The following ETV7 variants were observed in gnomAD, a reference collection of about 807,000 sequenced individuals.
ETV7 encodes the protein transcription factor ETV7.
ETV7 carries 43 observed loss-of-function variants against 39.1 expected under a neutral mutation model. That is an observed-to-expected ratio of 1.10 (90% CI 0.86 to 1.42). The LOEUF (loss-of-function observed/expected upper bound fraction) is 1.42. Among genes scored for constraint, ETV7 ranks in the 40% most tolerant of loss-of-function variants. The pLI, the probability that ETV7 is intolerant of heterozygous loss-of-function variation, is 0.00. For missense variants in ETV7, 432 were observed against 442.3 expected (o/e 0.98, Z 0.21); for synonymous variants, 196 against 176.6 (o/e 1.11, Z -0.87).
intron 1 of ETV7, among the ~76,000 whole-genome samples, chr6:36,387,085 G>C (rs1386763258): frequency 6.6e-6 from 1 of 152,204 alleles, no homozygotes; most frequent in Non-Finnish European, 1.5e-5. Context: ...GAAAGGCCTT[G>C]GAGTGGGACG....
downstream of ETV7, among the ~76,000 whole-genome samples, chr6:36,363,482 C>T (rs1259206472): frequency 5.9e-5 from 9 of 151,750 alleles, no homozygotes; most frequent in Admixed American, 3.9e-4. Context: ...TCATTCCTCC[C>T]GGTGGGGTCG....
rs75467750 is a variant in ETV7, at chr6:36,371,939, A to G, written c.434-379T>C. Among the ~76,000 whole-genome samples, 1,142 of 152,360 alleles carry G rather than the reference A, an allele frequency of 7.5e-3. 9 individuals carry two copies. Among genetic ancestry groups the G allele is most frequent in the Non-Finnish European group, 0.013 (860 of 68,038 alleles). ...AGGCATTGTTCTAAGAATCTTGAGC[A>G]TATATCGCTGAGCTCCCAAAGCCCC... is the stretch of plus-strand genomic sequence containing the variant. On this transcript the variant is annotated intron_variant, in intron 4 of 7. Transcript: ENST00000340181.
chr6:36,373,141 GA>G (rs1646898811), intron 4 of ETV7, among the ~76,000 whole-genome samples: 1 of 152,082 alleles, frequency 6.6e-6, no homozygotes, highest in Admixed American at 6.6e-5. Context: ...CCATGGAATG[GA>G]CATCCTTATT....
rs147850067 is a variant in ETV7 at position 36,375,971 on chromosome 6, C to T, written c.207G>A (p.Glu69=). The T allele has an allele frequency of 1.4e-5, 22 of 1,612,794 alleles. No individual in the cohort carries two copies. The African/African-American group carries it at 2.3e-4, about 17-fold the overall frequency. The part of the protein sequence containing the change: ...VLHWLRWAEQ[E]YSLPCTAEHG... ...GCTCCGCGGTGCATGGCAGAGAGTA[C>T]TCCTGCTCTGCCCAGCGCAGCCAGT... Residue 69 remains glutamate, a synonymous_variant, in exon 3 of 8, where the codon GAG becomes GAA. Coordinates refer to ENST00000340181, the MANE Select transcript of ETV7 (RefSeq NM_016135.4).
chr6:36,381,097 G>A (rs1341913331), intron 2 of ETV7, among the ~76,000 whole-genome samples: 2 of 152,176 alleles, frequency 1.3e-5, no homozygotes, highest in Non-Finnish European at 2.9e-5. Context: ...GAGCCACAGA[G>A]CCTGACCAGC....
intron 4 of ETV7, among the ~76,000 whole-genome samples, chr6:36,372,346 G>A (rs1773073123): frequency 6.6e-6 from 1 of 152,134 alleles, no homozygotes; most frequent in Non-Finnish European, 1.5e-5. Flanking sequence ...GGGAGGGGAA[G>A]GCAAGGGCAG....
Position 36,379,135 on chromosome 6 carries a change from C to T in ETV7, c.143-3100G>A, listed in dbSNP as rs539380041. 4.1e-4 allele frequency among the ~76,000 whole-genome samples: 62 copies of T among 152,332 alleles called. 1 individual carries two copies. Among genetic ancestry groups the T allele is most frequent in the Admixed American group, 3.4e-3 (52 of 15,308 alleles). On this transcript the variant is annotated intron_variant, in intron 2 of 7. Coordinates refer to ENST00000340181, the MANE Select transcript of ETV7 (RefSeq NM_016135.4). ...GTCGAGGGCAGGCCTCCACAGCCAG[C>T]CAGGGCTTCCGCGGCTAGGGTGTCA...
downstream of ETV7, among the ~76,000 whole-genome samples, chr6:36,362,204 A>G (rs993441541): frequency 5.9e-5 from 9 of 152,134 alleles, no homozygotes; most frequent in Non-Finnish European, 7.4e-5. Flanking sequence ...GAGGGGGCTG[A>G]GGCAGGAGAA....
chr6:36,378,441 C>T (rs559172378), intron 2 of ETV7, among the ~76,000 whole-genome samples: 6 of 152,238 alleles, frequency 3.9e-5, no homozygotes, highest in South Asian at 2.1e-4. Context: ...TGACAGGAAA[C>T]GCAGAGGCTG....
At chr6:36,377,318 T>G (rs1773426614) in intron 2 of ETV7, among the ~76,000 whole-genome samples, 1 of 151,908 alleles carries the variant, frequency 6.6e-6, no homozygotes. Context: ...AAAAGAAAAT[T>G]TAGCCGGGCA....
rs760855523 is a variant in ETV7 at position 36,387,592 on chromosome 6, G to GGCTGTGGCT, written c.-60_-52dup. ...GGCTTTCTGTCTTGAGCGCTCCCCT[G>GGCTGTGGCT]GCTGTGGCTGCTGGGGCCCTAGGCC... On this transcript the variant is annotated 5_prime_UTR_variant, in exon 1 of 8. Coordinates refer to ENST00000340181, the MANE Select transcript of ETV7 (RefSeq NM_016135.4). 14 of 1,611,532 alleles carry GGCTGTGGCT rather than the reference G, an allele frequency of 8.7e-6. 1 individual carries two copies. The highest frequency in any genetic ancestry group is 1.1e-5 in the Non-Finnish European group (13 of 1,178,684).
At position 36,354,791 on chromosome 6, in the gene ETV7, T is replaced by C. The variant is rs996124786; in HGVS notation, c.909-104A>G. On this transcript the variant is annotated intron_variant, in intron 7 of 7. Coordinates refer to the ETV7 transcript ENST00000339796. ...ATCTTAACAATCCAGGAACATGTTATATCTGTCCATTTATTTAGATTTGCT... is the reference window on the plus strand; with the variant it reads ...ATCTTAACAATCCAGGAACATGTTACATCTGTCCATTTATTTAGATTTGCT... 8.6e-5 allele frequency: 50 copies of C among 584,426 alleles called. No individual in the cohort carries two copies. The Middle Eastern group carries it at 1.4e-3, about 16-fold the overall frequency. The allele number at this position is 584,426 out of a possible 1,614,324, so 36.2% of individuals were successfully genotyped here.
chr6:36,366,090 C>G (rs140423881), downstream of ETV7: 1,093 of 690,106 alleles, frequency 1.6e-3, 5 homozygotes, highest in African/African-American at 0.019. Context: ...ACGAGAATCT[C>G]TTGAACCCAG....
At chr6:36,356,336 AAAAC>A (rs1170091823) in intron 7 of ETV7, among the ~76,000 whole-genome samples, 2 of 151,024 alleles carry the variant, frequency 1.3e-5, no homozygotes, top group Non-Finnish European at 2.9e-5. Flanking sequence ...AAAAAAAAAA[AAAAC>A]AAAAAAAAAC....
chr6:36,386,197 C>G (rs1028483861), intron 1 of ETV7, among the ~76,000 whole-genome samples: 2 of 151,950 alleles, frequency 1.3e-5, no homozygotes, highest in African/African-American at 4.8e-5. Context: ...GCGTGGTGAC[C>G]GGCGCCTGTA....
rs185326216 is a variant in ETV7, at chr6:36,369,216, G to T, written c.665-145C>A. ...GAAAATGATGATATCAACAGAAACA[G>T]CCACTAATGGGGCTCCTCACGCATT... On this transcript the variant is annotated intron_variant, in intron 5 of 7. Coordinates refer to ENST00000340181, the MANE Select transcript of ETV7 (RefSeq NM_016135.4). 74 of 842,720 alleles carry T rather than the reference G, an allele frequency of 8.8e-5. No individual in the cohort carries two copies. The East Asian group carries it at 1.7e-3, about 20-fold the overall frequency. 52.2% of individuals were successfully genotyped at this position (842,720 alleles called of 1,614,324 possible). A position where few individuals can be genotyped will look rare whatever the true frequency, so the allele number is the denominator to read the frequency against.
intron 7 of ETV7, among the ~76,000 whole-genome samples, chr6:36,360,222 G>A (rs1034070384): frequency 9.2e-5 from 14 of 152,146 alleles, no homozygotes; most frequent in African/African-American, 3.4e-4. Flanking sequence ...GGTCTACATG[G>A]GTAGGGTGAG....
In ETV7 at chr6:36,366,410, G is replaced by T. The variant is rs958868627; in HGVS notation, c.*235C>A. 4 of 1,372,176 alleles carry T rather than the reference G, an allele frequency of 2.9e-6. No homozygotes were observed. The highest frequency in any genetic ancestry group is 2.8e-6 in the Non-Finnish European group (3 of 1,061,624). 85.0% of individuals were successfully genotyped at this position (1,372,176 alleles called of 1,614,324 possible). ...CCTCTCCCAGGGGTGCAGTAGGGGA[G>T]AGTCCATTCCCCTGTACCTCATTTA... On this transcript the variant is annotated 3_prime_UTR_variant, in exon 8 of 8. Coordinates refer to ENST00000340181, the MANE Select transcript of ETV7 (RefSeq NM_016135.4).
In ETV7 at chr6:36,375,891, C is replaced by A. The variant is rs79496316; in HGVS notation, c.287G>T (p.Arg96Leu). 2.0e-4 allele frequency: 320 copies of A among 1,614,034 alleles called. No individual in the cohort carries two copies. The East Asian group carries it at 6.9e-3, about 35-fold the overall frequency. Residue 96 changes from arginine to leucine, a missense_variant, in exon 3 of 8, where the codon CGG becomes CTG. Arg to Leu is a moderately radical substitution (Grantham distance 102). Transcript: ENST00000340181. The stretch of plus-strand genomic sequence containing the variant: ...CTGACCTGAGCTGGGCGCACGGTGC[C>A]GGAAGTCGTCCTTGGTGAGGATGCA... ...ALCILTKDDF[R>L]HRAPSSGDVL...
Sources: gnomAD v4.1 joint callset for allele counts (sites outside exome capture counted in the v4.1 genomes callset) on GRCh38, gnomAD v4.1.1 for gene constraint, MANE v1.5 for transcripts, NCBI Gene and HGNC (gene_info 2026-07-23, HGNC 2026-07-21) for gene names.